The following EPHB2 variants were observed in gnomAD, a reference collection of about 807,000 sequenced individuals.
The protein encoded by EPHB2 is EPH receptor B2.
EPHB2 carries 18 observed loss-of-function variants against 96.4 expected under a neutral mutation model. The ratio of observed to expected loss-of-function variants is 0.19; its 90% CI spans 0.13 to 0.28. The LOEUF is 0.28. EPHB2 is among the 10% of genes least tolerant of loss of function. The probability of loss-of-function intolerance (pLI) is 1.00; values close to 1 mark genes in which losing one functional copy is unlikely to be tolerated. For synonymous variants in EPHB2, 506 were observed against 534.1 expected (o/e 0.95, Z 0.72); for missense variants, 989 against 1,355.4 (o/e 0.73, Z 4.25).
chr1:22,761,132 C>A (rs187590240), intron 1 of EPHB2, among the ~76,000 whole-genome samples: 8 of 152,282 alleles, frequency 5.3e-5, no homozygotes, highest in African/African-American at 1.7e-4. Context: ...CCCCATGATT[C>A]TCTTCTGATC....
At chr1:22,770,353 A>G (rs931599152) in intron 1 of EPHB2, among the ~76,000 whole-genome samples, 1 of 152,182 alleles carries the variant, frequency 6.6e-6, no homozygotes, top group African/African-American at 2.4e-5. Context: ...CACCCTGCCC[A>G]GAAGCAGAGG....
chr1:22,770,869 T>G, intron 1 of EPHB2, among the ~76,000 whole-genome samples: 1 of 149,368 alleles, frequency 6.7e-6, no homozygotes. Context: ...ATGGATGGGG[T>G]GACAGGGTGG....
At chr1:22,724,295 A>G (rs1470957334) in intron 1 of EPHB2, among the ~76,000 whole-genome samples, 1 of 152,138 alleles carries the variant, frequency 6.6e-6, no homozygotes, top group Non-Finnish European at 1.5e-5. Flanking sequence ...AACCATTTGT[A>G]CATAATTTGC....
chr1:22,784,952 T>C lies in EPHB2; in HGVS notation c.687T>C (p.Asn229=), dbSNP rs1235663387. 1.1e-5 allele frequency: 17 copies of C among 1,613,904 alleles called. No individual in the cohort carries two copies. The highest frequency in any genetic ancestry group is 2.2e-5 in the East Asian group (1 of 44,886). ...LVAARGSCIA[N]AEEVDVPIKL... ...CTGCCCGGGGCAGCTGCATCGCCAATGCGGAAGAGGTGGATGTACCCATCA... is the reference window on the plus strand; with the variant it reads ...CTGCCCGGGGCAGCTGCATCGCCAACGCGGAAGAGGTGGATGTACCCATCA... The change falls in exon 3 of 16, where the codon AAT becomes AAC. Residue 229 remains asparagine, a synonymous_variant. Coordinates refer to ENST00000374630, the MANE Select transcript of EPHB2 (RefSeq NM_017449.5). The surrounding 1 kb of genome is among the most constrained non-coding windows in gnomAD (Gnocchi z 5.1).
At chr1:22,871,336 G>A (rs1434620003) in intron 5 of EPHB2, among the ~76,000 whole-genome samples, 2 of 152,114 alleles carry the variant, frequency 1.3e-5, no homozygotes, top group Non-Finnish European at 2.9e-5. Flanking sequence ...CAGCCTTTGA[G>A]GCCCCCTGTA....
In EPHB2 at chr1:22,858,799, C is replaced by T. The variant is rs1258024411; in HGVS notation, c.812-4238C>T. ...GGCCTCTGCTACTGAAGAGCTATGTCTGTCTGTTCCTCTCTGGGCCTCAGT... is the reference window on the plus strand; with the variant it reads ...GGCCTCTGCTACTGAAGAGCTATGTTTGTCTGTTCCTCTCTGGGCCTCAGT... On this transcript the variant is annotated intron_variant, in intron 3 of 15. Coordinates refer to ENST00000374630, the MANE Select transcript of EPHB2 (RefSeq NM_017449.5). The surrounding 1 kb of genome is among the most constrained non-coding windows in gnomAD (Gnocchi z 7.7). Among the ~76,000 whole-genome samples, 3 of 152,198 alleles carry T rather than the reference C, an allele frequency of 2.0e-5. No homozygotes were observed. Among genetic ancestry groups the T allele is most frequent in the African/African-American group, 7.2e-5 (3 of 41,442 alleles).
At position 22,875,376 on chromosome 1, in the gene EPHB2, G is replaced by A. The variant is rs1489259651; in HGVS notation, c.1304-6983G>A. 6.6e-6 allele frequency among the ~76,000 whole-genome samples: 1 copy of A among 152,190 alleles called. No homozygotes were observed. The highest frequency in any genetic ancestry group is 1.5e-5 in the Non-Finnish European group (1 of 68,040). ...AGGACTAGCGCAGTGACAAGCAATT[G>A]TCATGGAACTGTTAGCTAGCTGGTG... On this transcript the variant is annotated intron_variant, in intron 5 of 15. Transcript: ENST00000374630. The surrounding 1 kb of genome is among the most constrained non-coding windows in gnomAD (Gnocchi z 4.2).
intron 1 of EPHB2, among the ~76,000 whole-genome samples, chr1:22,767,021 C>T (rs1644316482): frequency 6.6e-6 from 1 of 152,218 alleles, no homozygotes; most frequent in East Asian, 1.9e-4. Flanking sequence ...GGCTCAGGAA[C>T]AAGGCCGGGT....
At chr1:22,892,209 T>A (rs1363937356) in intron 6 of EPHB2, among the ~76,000 whole-genome samples, 1 of 152,164 alleles carries the variant, frequency 6.6e-6, no homozygotes, top group East Asian at 1.9e-4. Context: ...CAAGGGCTCT[T>A]ACGCTTAACT....
chr1:22,754,973 G>A (rs1442338171), intron 1 of EPHB2, among the ~76,000 whole-genome samples: 2 of 149,504 alleles, frequency 1.3e-5, no homozygotes, highest in South Asian at 2.1e-4. Flanking sequence ...GAGGTGAGCC[G>A]AAGGGCCTGT....
chr1:22,855,656 A>G (rs1209226340), intron 3 of EPHB2, among the ~76,000 whole-genome samples: 3 of 152,224 alleles, frequency 2.0e-5, no homozygotes, highest in African/African-American at 7.2e-5. Flanking sequence ...TAGCAAATGG[A>G]GGCCAAGAAT....
chr1:22,845,370 G>T (rs767559635), intron 3 of EPHB2, among the ~76,000 whole-genome samples: 1 of 152,176 alleles, frequency 6.6e-6, no homozygotes, highest in Non-Finnish European at 1.5e-5. Flanking sequence ...AGTTCTGGCC[G>T]CTTTTGGAAC....
chr1:22,879,055 G>C (rs1638940638), intron 5 of EPHB2, among the ~76,000 whole-genome samples: 2 of 152,184 alleles, frequency 1.3e-5, no homozygotes, highest in African/African-American at 4.8e-5. Context: ...ATTTCAAGGA[G>C]CCCTGGAGGC....
At chr1:22,786,638 A>T (rs1296345118) in intron 3 of EPHB2, among the ~76,000 whole-genome samples, 1 of 152,220 alleles carries the variant, frequency 6.6e-6, no homozygotes, top group Non-Finnish European at 1.5e-5. Context: ...GACAGGAGGA[A>T]GGGGCCTATA....
intron 3 of EPHB2, among the ~76,000 whole-genome samples, chr1:22,791,471 C>CTTTTTTTTTTTTT (rs55650452): frequency 6.5e-5 from 6 of 92,886 alleles, no homozygotes; most frequent in East Asian, 7.4e-4. Context: ...TTCTTTCTTT[C>CTTTTTTTTTTTTT]TTTTTTTTTT....
At chr1:22,781,345 A>C in intron 1 of EPHB2, 76 bp from the exon 2 acceptor site, 1 of 1,320,680 alleles carries the variant, frequency 7.6e-7, no homozygotes. Flanking sequence ...AAGAAGAAGA[A>C]GGATGAGGGC....
At chr1:22,891,106 C>T in intron 6 of EPHB2, 1 of 456,044 alleles carries the variant, frequency 2.2e-6, no homozygotes, top group South Asian at 1.5e-5. Flanking sequence ...GAGGTAGCTA[C>T]TGTTACTATC....
intron 3 of EPHB2, among the ~76,000 whole-genome samples, chr1:22,842,945 C>G (rs1029791250): frequency 2.6e-5 from 4 of 152,186 alleles, no homozygotes; most frequent in Non-Finnish European, 5.9e-5. Flanking sequence ...CCAGCACTCT[C>G]TAGCACATCC....
In EPHB2 at chr1:22,845,149, C is replaced by G. The variant is rs139963647; in HGVS notation, c.812-17888C>G. Among the ~76,000 whole-genome samples, 28 of 152,304 alleles carry G rather than the reference C, an allele frequency of 1.8e-4. No homozygotes were observed. In the East Asian group the frequency reaches 5.4e-3, roughly 29 times the overall value. ...GGCTGAAAGCACATGGTGTCCAGCT[C>G]AATTTAGATCCCTCCTCTACCACTC... On this transcript the variant is annotated intron_variant, in intron 3 of 15. Coordinates refer to ENST00000374630, the MANE Select transcript of EPHB2 (RefSeq NM_017449.5).
Sources: gnomAD v4.1 joint callset for allele counts (sites outside exome capture counted in the v4.1 genomes callset) on GRCh38, gnomAD v4.1.1 for gene constraint, Gnocchi (gnomAD v3.1) non-coding constraint, MANE v1.5 for transcripts, NCBI Gene and HGNC (gene_info 2026-07-23, HGNC 2026-07-21) for gene names.